The following ATP13A1 variants were observed in gnomAD, a reference collection of about 807,000 sequenced individuals.
The protein encoded by ATP13A1 is ATPase 13A1, also known as endoplasmic reticulum transmembrane helix translocase.
In ATP13A1, 55 loss-of-function variants were observed where a neutral mutation model predicts 134.8. That is an observed-to-expected ratio of 0.41 (90% CI 0.33 to 0.51). The LOEUF (loss-of-function observed/expected upper bound fraction) is 0.51, where lower values mean the gene tolerates loss of function less well. Ranked by LOEUF, ATP13A1 falls within the 20% of genes least tolerant of loss-of-function variation. The pLI is 0.29. For synonymous variants in ATP13A1, 775 were observed against 725.1 expected (o/e 1.07, Z -1.10); for missense variants, 1,389 against 1,652.8 (o/e 0.84, Z 2.77).
chr19:19,652,772 T>G (rs377647865), intron 15 of ATP13A1, 52 bp from the exon 16 acceptor site: 1 of 1,556,698 alleles, frequency 6.4e-7, no homozygotes, highest in Non-Finnish European at 8.7e-7. Context: ...CTGCCCACAC[T>G]CTGCATTTCC....
intron 23 of ATP13A1, 81 bp downstream of exon 23, chr19:19,646,124 C>T (rs2061983984): frequency 1.2e-6 from 2 of 1,602,538 alleles, no homozygotes; most frequent in African/African-American, 1.3e-5. Context: ...CAACCCCCAG[C>T]CTCTCCTGCT....
intron 18 of ATP13A1, 28 bp downstream of exon 18, chr19:19,649,712 GC>G: frequency 6.2e-7 from 1 of 1,613,232 alleles, no homozygotes. Flanking sequence ...CTACCGCTGT[GC>G]CCCTGACCCC....
intron 13 of ATP13A1, among the ~76,000 whole-genome samples, 154 bp downstream of exon 13, chr19:19,654,389 G>T (rs2062043887): frequency 6.6e-6 from 1 of 152,170 alleles, no homozygotes; most frequent in Non-Finnish European, 1.5e-5. Flanking sequence ...GGCCTATCCT[G>T]GGTCTAAAGT....
At chr19:19,650,073 C>T (rs2062014531) in intron 17 of ATP13A1, 133 bp from the exon 18 acceptor site, 1 of 780,360 alleles carries the variant, frequency 1.3e-6, no homozygotes, top group Non-Finnish European at 2.0e-6. Flanking sequence ...ACCCAGGTGA[C>T]CCCCAGCCCT....
Position 19,656,121 on chromosome 19 carries a change from G to C in ATP13A1, c.1146C>G (p.His382Gln). 1 of 1,613,740 alleles carries C rather than the reference G, an allele frequency of 6.2e-7. No homozygotes were observed. The highest frequency in any genetic ancestry group is 8.5e-7 in the Non-Finnish European group (1 of 1,179,784). Residue 382 changes from histidine (H) to glutamine (Q), a missense_variant, in exon 8 of 26, where the codon CAC becomes CAG. His to Gln is a conservative substitution (Grantham distance 24). Transcript: ENST00000357324. The surrounding 1 kb of genome is among the most constrained non-coding windows in gnomAD (Gnocchi z 4.6). ...VLDLQADSRL[H>Q]VIFGGTKVVQ... Reference sequence around the variant, plus strand: ...CCACCTTGGTGCCCCCGAAGATGACGTGCAGCCGGGAATCAGCCTGGAGGT... The same window carrying C: ...CCACCTTGGTGCCCCCGAAGATGACCTGCAGCCGGGAATCAGCCTGGAGGT...
At chr19:19,649,505 G>C in intron 19 of ATP13A1, 62 bp downstream of exon 19, 1 of 1,532,172 alleles carries the variant, frequency 6.5e-7, no homozygotes, top group East Asian at 2.4e-5. Flanking sequence ...TGTCTTTCTA[G>C]CTCAGTGACA....
chr19:19,651,699 G>C lies in ATP13A1; in HGVS notation c.2325C>G (p.Pro775=), dbSNP rs200775258. Residue 775 remains proline (P), a synonymous_variant, in exon 17 of 26, where the codon CCC becomes CCG. Coordinates refer to ENST00000357324, the MANE Select transcript of ATP13A1 (RefSeq NM_020410.3). The part of the protein sequence containing the change: ...EKAHTLILQP[P]SEKGRQCEWR... ...AGGCTAGGGCCTCACCTTTCTCGGAGGGAGGCTGCAGGATCAGCGTGTGGG... is the reference window on the plus strand; with the variant it reads ...AGGCTAGGGCCTCACCTTTCTCGGACGGAGGCTGCAGGATCAGCGTGTGGG... 3.1e-6 allele frequency: 5 copies of C among 1,611,786 alleles called. No individual in the cohort carries two copies. The Admixed American group carries it at 5.0e-5, about 16-fold the overall frequency.
Position 19,655,621 on chromosome 19 carries a change from T to G in ATP13A1, c.1303A>C (p.Lys435Gln), listed in dbSNP as rs1465901395. 1 of 1,613,790 alleles carries G rather than the reference T, an allele frequency of 6.2e-7. No individual in the cohort carries two copies. Among genetic ancestry groups the G allele is most frequent in the Non-Finnish European group, 8.5e-7 (1 of 1,179,814 alleles). ...TCCAGGTTGTTCGCAGTCACCCTCT[T>G]GACCCCGAAGAGGATGGTGCGCAGC... Reference protein sequence around the residue: ...KLLRTILFGVKRVTANNLETF... With the variant: ...KLLRTILFGVQRVTANNLETF... Residue 435 changes from lysine (K) to glutamine (Q), a missense_variant, in exon 10 of 26, where the codon AAG (lysine) becomes CAG (glutamine). Lys to Gln is a moderately conservative substitution (Grantham distance 53). This residue lies in a region of ATP13A1 where 747 missense variants were observed against 956.1 expected (regional missense o/e 0.78). Transcript: ENST00000357324. This position sits in a 1 kb window ranked among gnomAD's most constrained non-coding sequence, Gnocchi z 5.7.
intron 12 of ATP13A1, 124 bp downstream of exon 12, chr19:19,654,995 G>A: frequency 7.0e-7 from 1 of 1,430,232 alleles, no homozygotes; most frequent in Non-Finnish European, 9.3e-7. Flanking sequence ...CCCTGGAAAT[G>A]AACCCGAGGC....
In ATP13A1 at chr19:19,653,902, G is replaced by T; in HGVS notation, c.1990-8C>A. 7.7e-6 allele frequency: 12 copies of T among 1,567,594 alleles called. No homozygotes were observed. Among genetic ancestry groups the T allele is most frequent in the Non-Finnish European group, 1.0e-5 (12 of 1,156,870 alleles). On this transcript the variant is annotated splice_polypyrimidine_tract_variant and splice_region_variant and intron_variant, in intron 14 of 25. Coordinates refer to ENST00000357324, the MANE Select transcript of ATP13A1 (RefSeq NM_020410.3). This position sits in a 1 kb window ranked among gnomAD's most constrained non-coding sequence, Gnocchi z 4.2. ...GGGCGGGCACTGGGAGAACTGCAGG[G>T]AATGCAGGGGGATGTCACGGGCTGC... is the stretch of plus-strand genomic sequence containing the variant.
chr19:19,647,666 G>T lies in ATP13A1; in HGVS notation c.2726C>A (p.Ala909Asp). Residue 909 changes from alanine (A) to aspartate (D), a missense_variant, in exon 20 of 26, where the codon GCC becomes GAC. Physicochemically the swap from Ala to Asp is moderately radical, Grantham distance 126. Transcript: ENST00000357324. This position sits in a 1 kb window ranked among gnomAD's most constrained non-coding sequence, Gnocchi z 4.8. The part of the protein sequence containing the change: ...SPTLSNSGIR[A>D]TSRTAKQRSG... ...CCGCTGCTTGGCTGTCCTGGAGGTGGCTCTGATGCCACTGTTGCTCAGGGT... is the reference window on the plus strand; with the variant it reads ...CCGCTGCTTGGCTGTCCTGGAGGTGTCTCTGATGCCACTGTTGCTCAGGGT... The T allele has an allele frequency of 6.2e-7, 1 of 1,612,856 alleles. No individual in the cohort carries two copies. The highest frequency in any genetic ancestry group is 8.5e-7 in the Non-Finnish European group (1 of 1,179,820).
In ATP13A1 at chr19:19,655,983, C is replaced by T. The variant is rs1404982590; in HGVS notation, c.1214-50G>A. The T allele has an allele frequency of 8.1e-6, 13 of 1,609,904 alleles. No individual in the cohort carries two copies. The highest frequency in any genetic ancestry group is 1.1e-5 in the Non-Finnish European group (13 of 1,179,110). On this transcript the variant is annotated intron_variant, in intron 8 of 25. Coordinates refer to ENST00000357324, the MANE Select transcript of ATP13A1 (RefSeq NM_020410.3). This position sits in a 1 kb window ranked among gnomAD's most constrained non-coding sequence, Gnocchi z 5.7. ...TCATGCCTGTCTCCTCGTCCTGACT[C>T]CCTCATGATCAAGCAGACGGGCAAA...
At position 19,649,652 on chromosome 19, in the gene ATP13A1, G is replaced by C; in HGVS notation, c.2547C>G (p.Ile849Met). ...RVAPKQKEFV[I>M]TSLKELGYVT... ...CGTAGCCCAGCTCCTTCAGGCTGGTGATGACAAACTCCTGTATGGGCGGAG... is the reference window on the plus strand; with the variant it reads ...CGTAGCCCAGCTCCTTCAGGCTGGTCATGACAAACTCCTGTATGGGCGGAG... Residue 849 changes from isoleucine to methionine, a missense_variant, in exon 19 of 26, where the codon ATC (isoleucine) becomes ATG (methionine). Around this residue, in one of 4 missense-constraint regions of ATP13A1, gnomAD observed 747 missense variants for 956.1 expected, o/e 0.78. Transcript: ENST00000357324. 6.2e-7 allele frequency: 1 copy of C among 1,613,950 alleles called. No individual in the cohort carries two copies. Among genetic ancestry groups the C allele is most frequent in the Non-Finnish European group, 8.5e-7 (1 of 1,179,866 alleles).
In ATP13A1 at chr19:19,653,910, G is replaced by C; in HGVS notation, c.1990-16C>G. On this transcript the variant is annotated splice_polypyrimidine_tract_variant and intron_variant, in intron 14 of 25. Coordinates refer to ENST00000357324, the MANE Select transcript of ATP13A1 (RefSeq NM_020410.3). The surrounding 1 kb of genome is among the most constrained non-coding windows in gnomAD (Gnocchi z 4.2). Reference sequence around the variant, plus strand: ...ACTGGGAGAACTGCAGGGAATGCAGGGGGATGTCACGGGCTGCCCCGCGCC... The same window carrying C: ...ACTGGGAGAACTGCAGGGAATGCAGCGGGATGTCACGGGCTGCCCCGCGCC... 1 of 1,568,110 alleles carries C rather than the reference G, an allele frequency of 6.4e-7. No homozygotes were observed. Among genetic ancestry groups the C allele is most frequent in the Non-Finnish European group, 8.6e-7 (1 of 1,157,200 alleles).
At chr19:19,649,271 G>A (rs2062008489) in intron 19 of ATP13A1, among the ~76,000 whole-genome samples, 1 of 152,186 alleles carries the variant, frequency 6.6e-6, no homozygotes, top group Non-Finnish European at 1.5e-5. Flanking sequence ...CCATCTGTGT[G>A]CTTTTGACAG....
intron 12 of ATP13A1, 110 bp from the exon 13 acceptor site, chr19:19,654,810 G>A (rs1306596708): frequency 6.7e-6 from 9 of 1,346,560 alleles, no homozygotes; most frequent in Non-Finnish European, 8.0e-6. Context: ...TGTCACTGGG[G>A]TGGCTTGGGC....
chr19:19,654,798 C>G (rs776663702), intron 12 of ATP13A1, 98 bp from the exon 13 acceptor site: 18 of 1,413,894 alleles, frequency 1.3e-5, no homozygotes, highest in Non-Finnish European at 1.7e-5. Flanking sequence ...TCATTCCGTG[C>G]TTGTCACTGG....
intron 17 of ATP13A1, 83 bp downstream of exon 17, chr19:19,651,606 G>A: frequency 9.1e-7 from 1 of 1,104,506 alleles, no homozygotes; most frequent in Non-Finnish European, 1.3e-6. Context: ...CTGAGGCCTG[G>A]TACACAGGTG....
chr19:19,653,601 G>A lies in ATP13A1; in HGVS notation c.2100+183C>T, dbSNP rs1285746379. On this transcript the variant is annotated intron_variant, in intron 15 of 25. Coordinates refer to ENST00000357324, the MANE Select transcript of ATP13A1 (RefSeq NM_020410.3). The surrounding 1 kb of genome is among the most constrained non-coding windows in gnomAD (Gnocchi z 4.2). ...TGCTCTGCGTGAGCCAGGACTGGGT[G>A]GGTCCCCACAGCAGTGGACAGACTG... 6.4e-6 allele frequency: 4 copies of A among 624,164 alleles called. No individual in the cohort carries two copies. The highest frequency in any genetic ancestry group is 1.8e-5 in the African/African-American group (1 of 54,284). The allele number at this position is 624,164 out of a possible 1,614,324, so 38.7% of individuals were successfully genotyped here.
Sources: allele counts gnomAD v4.1 joint callset (sites outside exome capture counted in the v4.1 genomes callset), GRCh38; gene constraint gnomAD v4.1.1; regional missense constraint gnomAD v4.1.1; non-coding constraint Gnocchi (gnomAD v3.1); transcripts MANE v1.5; gene names NCBI Gene and HGNC (gene_info 2026-07-23, HGNC 2026-07-21).